Variants in RMDN2 observed in about 807,000 individuals in gnomAD.
RMDN2 encodes the protein regulator of microtubule dynamics protein 2.
In RMDN2, 61 loss-of-function variants were observed where a neutral mutation model predicts 52.8. That is an observed-to-expected ratio of 1.16 (90% CI 0.94 to 1.43). RMDN2 has a LOEUF of 1.43. Among genes scored for constraint, RMDN2 ranks in the 40% most tolerant of loss-of-function variants. The pLI is 0.00. For missense variants in RMDN2, 592 were observed against 475.3 expected, an observed-to-expected ratio of 1.25 and a Z score of -2.28; for synonymous variants, 180 against 153.1, an observed-to-expected ratio of 1.18 and a Z score of -1.30.
chr2:37,966,620 G>A (rs1012228204), intron 2 of RMDN2, among the ~76,000 whole-genome samples: 1 of 150,342 alleles, frequency 6.7e-6, no homozygotes, highest in East Asian at 1.9e-4. Flanking sequence ...TATTCTTTTT[G>A]TTCCTCAGAA....
At chr2:37,930,499 C>T (rs1011283438) in intron 2 of RMDN2, among the ~76,000 whole-genome samples, 12 of 152,256 alleles carry the variant, frequency 7.9e-5, no homozygotes, top group Non-Finnish European at 1.3e-4. Context: ...AACCTGGGAG[C>T]GAGGGGCACC....
chr2:38,048,182 C>T (rs547011625), intron 10 of RMDN2, among the ~76,000 whole-genome samples: 2 of 152,328 alleles, frequency 1.3e-5, no homozygotes, highest in South Asian at 4.1e-4. Context: ...TTGCTGCAGT[C>T]CTCCCTGTCT....
chr2:38,027,457 A>T (rs1383533348), intron 10 of RMDN2: 1 of 152,160 alleles, frequency 6.6e-6, no homozygotes, highest in Non-Finnish European at 1.5e-5. Context: ...GCTCCTCACC[A>T]CACTTTCCAG....
chr2:38,037,937 A>C (rs1680694411), intron 10 of RMDN2, among the ~76,000 whole-genome samples: 2 of 152,172 alleles, frequency 1.3e-5, no homozygotes, highest in South Asian at 4.1e-4. Context: ...TGAGAATTTT[A>C]AGAGAAGATA....
chr2:37,970,969 T>C (rs1671735303), intron 2 of RMDN2, among the ~76,000 whole-genome samples: 1 of 152,060 alleles, frequency 6.6e-6, no homozygotes, highest in South Asian at 2.1e-4. Flanking sequence ...TTATCAGATA[T>C]ATGATTCATA....
At chr2:38,004,265 C>A in intron 10 of RMDN2, 49 bp downstream of exon 10, 1 of 1,291,044 alleles carries the variant, frequency 7.7e-7, no homozygotes, top group South Asian at 1.2e-5. Context: ...TAGTACTATT[C>A]GAGCTCAAAA....
intron 2 of RMDN2, 118 bp downstream of exon 2, chr2:37,929,847 G>A: frequency 1.5e-6 from 1 of 666,594 alleles, no homozygotes; most frequent in Middle Eastern, 3.6e-4. Context: ...AAATGAAAAG[G>A]AGTGATATTT....
intron 8 of RMDN2, among the ~76,000 whole-genome samples, chr2:38,002,288 G>C (rs548716068): frequency 1.3e-5 from 2 of 152,232 alleles, no homozygotes; most frequent in African/African-American, 4.8e-5. Context: ...AAACACACAT[G>C]TACACAAGCA....
intron 4 of RMDN2, among the ~76,000 whole-genome samples, chr2:37,978,072 A>G (rs1392692705): frequency 6.6e-6 from 1 of 152,156 alleles, no homozygotes; most frequent in Non-Finnish European, 1.5e-5. Context: ...CAATCCCGAC[A>G]CCTCGGGAGG....
chr2:37,934,563 A>C (rs966489136), intron 2 of RMDN2, among the ~76,000 whole-genome samples: 2 of 151,590 alleles, frequency 1.3e-5, no homozygotes, highest in Admixed American at 6.6e-5. Flanking sequence ...TTTATTTTTT[A>C]TTTTTTTGTC....
intron 10 of RMDN2, among the ~76,000 whole-genome samples, chr2:38,049,204 G>T (rs952379843): frequency 6.6e-6 from 1 of 152,186 alleles, no homozygotes; most frequent in African/African-American, 2.4e-5. Flanking sequence ...GACCTGGAAA[G>T]TCTACCTCAT....
At chr2:37,926,340 C>T (rs1022505438) in intron 1 of RMDN2, among the ~76,000 whole-genome samples, 1 of 152,122 alleles carries the variant, frequency 6.6e-6, no homozygotes, top group Admixed American at 6.5e-5. Context: ...TTTCTTCAGA[C>T]ATTTCTTCAG....
chr2:38,047,108 CAAAAT>C (rs531150767), intron 10 of RMDN2, among the ~76,000 whole-genome samples: 397 of 151,978 alleles, frequency 2.6e-3, no homozygotes, highest in Non-Finnish European at 3.8e-3. Flanking sequence ...AAAATGAAGA[CAAAAT>C]AAAAGACATT....
intron 8 of RMDN2, among the ~76,000 whole-genome samples, chr2:38,003,595 GATA>G (rs1676641089): frequency 1.3e-5 from 2 of 151,980 alleles, no homozygotes; most frequent in East Asian, 3.9e-4. Context: ...TAGATAGATA[GATA>G]GATAGGCAGA....
intron 10 of RMDN2, chr2:38,030,774 T>C (rs1179916254): frequency 1.3e-5 from 2 of 152,224 alleles, no homozygotes; most frequent in African/African-American, 2.4e-5. Flanking sequence ...TCACACACTT[T>C]GTTTCTAAGA....
chr2:37,998,725 A>G (rs1573009568), intron 8 of RMDN2, among the ~76,000 whole-genome samples: 1 of 152,174 alleles, frequency 6.6e-6, no homozygotes. Flanking sequence ...CCAGCAGAAA[A>G]GAGTTCAAAA....
chr2:38,014,492 G>A (rs1354293651), intron 10 of RMDN2, among the ~76,000 whole-genome samples: 1 of 152,134 alleles, frequency 6.6e-6, no homozygotes, highest in African/African-American at 2.4e-5. Flanking sequence ...TAAAATAATT[G>A]ATGATACAGC....
downstream of RMDN2, among the ~76,000 whole-genome samples, chr2:38,022,102 G>C (rs367581630): frequency 6.6e-6 from 1 of 152,094 alleles, no homozygotes; most frequent in Non-Finnish European, 1.5e-5. Flanking sequence ...GGCTTATTTC[G>C]ACTCCTTAAT....
At chr2:38,013,606 C>G (rs1678308719) in intron 10 of RMDN2, among the ~76,000 whole-genome samples, 1 of 152,194 alleles carries the variant, frequency 6.6e-6, no homozygotes, top group Non-Finnish European at 1.5e-5. Context: ...CTCTTAGTAA[C>G]AAAATCCTAA....
Sources: allele counts gnomAD v4.1 joint callset (sites outside exome capture counted in the v4.1 genomes callset), GRCh38; gene constraint gnomAD v4.1.1; transcripts MANE v1.5; gene names NCBI Gene and HGNC (gene_info 2026-07-23, HGNC 2026-07-21).